Variants in MAGI2 observed in about 807,000 individuals in gnomAD.
The protein encoded by MAGI2 is membrane associated guanylate kinase, WW and PDZ domain containing 2, also known as membrane-associated guanylate kinase, WW and PDZ domain-containing protein 2.
MAGI2 carries 35 observed loss-of-function variants against 133.3 expected under a neutral mutation model. The observed-to-expected ratio is 0.26, with a 90% CI of 0.20 to 0.35. The LOEUF (loss-of-function observed/expected upper bound fraction) is 0.35, where lower values mean the gene tolerates loss of function less well. Ranked by LOEUF, MAGI2 falls within the 10% of genes least tolerant of loss-of-function variation. The pLI, the probability that MAGI2 is intolerant of heterozygous loss-of-function variation, is 1.00. For missense variants in MAGI2, 1,636 were observed against 1,863.4 expected (o/e 0.88, Z 2.25); for synonymous variants, 729 against 710.6 (o/e 1.03, Z -0.41).
At chr7:78,734,116 G>A (rs890112482) in intron 2 of MAGI2, among the ~76,000 whole-genome samples, 1 of 152,114 alleles carries the variant, frequency 6.6e-6, no homozygotes. Flanking sequence ...TTTGGACAAA[G>A]CAATCAGATG....
chr7:78,088,029 A>C (rs1296528028), intron 20 of MAGI2, among the ~76,000 whole-genome samples: 1 of 152,240 alleles, frequency 6.6e-6, no homozygotes, highest in Admixed American at 6.5e-5. Flanking sequence ...CTCAGAAATC[A>C]CTTATATTAG....
intron 2 of MAGI2, among the ~76,000 whole-genome samples, chr7:78,985,726 G>A (rs1805196109): frequency 6.6e-6 from 1 of 152,032 alleles, no homozygotes; most frequent in South Asian, 2.1e-4. Context: ...GGCTTTGTCT[G>A]CAGCATTAGA....
chr7:79,405,584 C>T (rs1326036000), intron 1 of MAGI2, among the ~76,000 whole-genome samples: 2 of 152,068 alleles, frequency 1.3e-5, no homozygotes, highest in East Asian at 1.9e-4. Context: ...TTCCTCCATG[C>T]CCCAAGAGTG....
intron 2 of MAGI2, among the ~76,000 whole-genome samples, chr7:78,937,351 G>A (rs925259705): frequency 6.6e-6 from 1 of 151,972 alleles, no homozygotes; most frequent in African/African-American, 2.4e-5. Flanking sequence ...CCTTTTAATA[G>A]AATTCCAATT....
At chr7:78,376,390 G>A (rs1005966219) in intron 6 of MAGI2, among the ~76,000 whole-genome samples, 1 of 152,022 alleles carries the variant, frequency 6.6e-6, no homozygotes, top group African/African-American at 2.4e-5. Context: ...TGAACTCTGG[G>A]TATAGGAGAT....
In MAGI2 at chr7:78,667,352, T is replaced by G. The variant is rs532705339; in HGVS notation, c.419-40113A>C. On this transcript the variant is annotated intron_variant, in intron 2 of 21. Transcript: ENST00000354212. Reference sequence around the variant, plus strand: ...CGTGCAGTATTGTAACCAATTGGGTTTTTTTTTTTGAGATTCTTTTTTTTT... The same window carrying G: ...CGTGCAGTATTGTAACCAATTGGGTGTTTTTTTTTGAGATTCTTTTTTTTT... 5.7e-4 allele frequency among the ~76,000 whole-genome samples: 86 copies of G among 149,946 alleles called. No individual in the cohort carries two copies. The South Asian group carries it at 0.018, about 31-fold the overall frequency.
Position 79,453,509 on chromosome 7 carries a change from G to A in MAGI2, c.-189C>T. The A allele has an allele frequency of 7.1e-7, 1 of 1,400,082 alleles. No homozygotes were observed. Among genetic ancestry groups the A allele is most frequent in the Non-Finnish European group, 9.2e-7 (1 of 1,082,410 alleles). The allele number at this position is 1,400,082 out of a possible 1,614,324, so 86.7% of individuals were successfully genotyped here. ...GACGAGGAATGGGGAGGATGAGAGG[G>A]ACGGCTGGGCAGAGGTAGGAGAGCT... On this transcript the variant is annotated 5_prime_UTR_variant, in exon 1 of 22. Transcript: ENST00000354212.
chr7:79,300,130 A>G (rs769238767), intron 1 of MAGI2, among the ~76,000 whole-genome samples: 25 of 152,188 alleles, frequency 1.6e-4, no homozygotes, highest in Non-Finnish European at 3.4e-4. Context: ...GAAGTGAGGC[A>G]TTACTATAAA....
At chr7:78,658,851 G>A (rs1812596076) in intron 2 of MAGI2, among the ~76,000 whole-genome samples, 1 of 152,190 alleles carries the variant, frequency 6.6e-6, no homozygotes, top group Admixed American at 6.5e-5. Flanking sequence ...TAGATTAGTC[G>A]TGGGATGTAT....
At chr7:78,675,049 CA>C (rs1814856106) in intron 2 of MAGI2, among the ~76,000 whole-genome samples, 1 of 152,036 alleles carries the variant, frequency 6.6e-6, no homozygotes, top group Non-Finnish European at 1.5e-5. Flanking sequence ...AAATCTGGGT[CA>C]AAAAACTTCA....
At chr7:78,695,268 G>T (rs1256608463) in intron 2 of MAGI2, among the ~76,000 whole-genome samples, 1 of 152,118 alleles carries the variant, frequency 6.6e-6, no homozygotes, top group Non-Finnish European at 1.5e-5. Context: ...CTCCTGAATT[G>T]TTCATAAATA....
intron 2 of MAGI2, among the ~76,000 whole-genome samples, chr7:78,705,546 A>G (rs991030460): frequency 2.0e-5 from 3 of 152,112 alleles, no homozygotes; most frequent in Non-Finnish European, 2.9e-5. Context: ...TATTAAATGT[A>G]TATAAGGACT....
intron 2 of MAGI2, among the ~76,000 whole-genome samples, chr7:78,933,994 C>T (rs1037106801): frequency 1.3e-5 from 2 of 152,116 alleles, no homozygotes; most frequent in Admixed American, 1.3e-4. Context: ...AACACAGCAT[C>T]ATAGGTGGAA....
intron 2 of MAGI2, among the ~76,000 whole-genome samples, chr7:78,998,626 G>T (rs1806553066): frequency 6.6e-6 from 1 of 152,154 alleles, no homozygotes; most frequent in Non-Finnish European, 1.5e-5. Context: ...TTGGACAAGT[G>T]ATCTGGACAT....
intron 1 of MAGI2, among the ~76,000 whole-genome samples, chr7:79,397,774 C>T (rs1459778412): frequency 1.3e-5 from 2 of 152,182 alleles, no homozygotes; most frequent in East Asian, 3.9e-4. Flanking sequence ...CCCCTCCAAC[C>T]TTTTCTTTAT....
chr7:79,126,937 C>T (rs2129545043), intron 1 of MAGI2, among the ~76,000 whole-genome samples: 1 of 151,904 alleles, frequency 6.6e-6, no homozygotes, highest in Admixed American at 6.6e-5. Flanking sequence ...TCTCCTAATG[C>T]TAACCCTCCC....
At chr7:78,457,110 C>T (rs17150823) in intron 6 of MAGI2, among the ~76,000 whole-genome samples, 21,000 of 152,138 alleles carry the variant, frequency 0.14, 1,977 homozygotes, top group African/African-American at 0.27. Context: ...TTCAGTTCAC[C>T]GTGTTTGAGG....
At chr7:79,412,071 A>G (rs145348004) in intron 1 of MAGI2, 120 of 151,560 alleles carry the variant, frequency 7.9e-4, no homozygotes, top group African/African-American at 2.8e-3. Flanking sequence ...CATTCTGGAA[A>G]GTTGTTTTAT....
At chr7:78,523,939 C>A (rs1451351128) in intron 3 of MAGI2, among the ~76,000 whole-genome samples, 1 of 152,120 alleles carries the variant, frequency 6.6e-6, no homozygotes, top group Non-Finnish European at 1.5e-5. Context: ...CCTTTGATAG[C>A]CCTGAAATCT....
Sources: allele counts gnomAD v4.1 joint callset (sites outside exome capture counted in the v4.1 genomes callset), GRCh38; gene constraint gnomAD v4.1.1; transcripts MANE v1.5; gene names NCBI Gene and HGNC (gene_info 2026-07-23, HGNC 2026-07-21).